MINDY4: variants seen among roughly 807,000 people sequenced by gnomAD.
The protein encoded by MINDY4 is MINDY lysine 48 deubiquitinase 4.
MINDY4 carries 68 observed loss-of-function variants against 87.0 expected under a neutral mutation model. The observed-to-expected ratio is 0.78, with a 90% CI of 0.64 to 0.96. The LOEUF is 0.96. Among genes scored for constraint, MINDY4 ranks in the 40% least tolerant of loss-of-function variants. MINDY4 has a pLI of 0.00. For missense variants in MINDY4, 919 were observed against 928.2 expected, an observed-to-expected ratio of 0.99 and a Z score of 0.13; for synonymous variants, 379 against 363.2, an observed-to-expected ratio of 1.04 and a Z score of -0.50.
rs778839691 is a variant in MINDY4, at chr7:30,771,458, G to A, written c.-36G>A. 1.9e-5 allele frequency: 30 copies of A among 1,589,022 alleles called. 1 individual carries two copies. In the Admixed American group the frequency reaches 5.3e-4, roughly 28 times the overall value. On this transcript the variant is annotated 5_prime_UTR_variant, in exon 1 of 18. Transcript: ENST00000265299. ...ACCCAGTTGCCTGGTGCTGCGGCCC[G>A]GCGTGGGCCTCGTGGGCAGAGCCAG...
intron 5 of MINDY4, among the ~76,000 whole-genome samples, chr7:30,809,958 A>G (rs1008690469): frequency 1.3e-5 from 2 of 151,974 alleles, no homozygotes; most frequent in African/African-American, 4.8e-5. Flanking sequence ...TGGGTGGATC[A>G]TGAGGTCAGA....
intron 13 of MINDY4, among the ~76,000 whole-genome samples, chr7:30,859,596 C>T (rs1789689177): frequency 6.6e-6 from 1 of 152,196 alleles, no homozygotes; most frequent in Non-Finnish European, 1.5e-5. Flanking sequence ...CCTGGAACTG[C>T]AGTGCATGCA....
At position 30,885,965 on chromosome 7, in the gene MINDY4, G is replaced by T. The variant is rs543100344; in HGVS notation, c.2225+2972G>T. Among the ~76,000 whole-genome samples, 167 of 152,302 alleles carry T rather than the reference G, an allele frequency of 1.1e-3. 1 individual carries two copies. Among genetic ancestry groups the T allele is most frequent in the Middle Eastern group, 6.8e-3 (2 of 294 alleles). On this transcript the variant is annotated intron_variant, in intron 17 of 17. Transcript: ENST00000265299. ...TAGAAAAGCTGAGTGGGTGAGTGGTGAGTGGGAACACTGCCCCCATACCCA... is the reference window on the plus strand; with the variant it reads ...TAGAAAAGCTGAGTGGGTGAGTGGTTAGTGGGAACACTGCCCCCATACCCA...
chr7:30,818,963 TCTC>T (rs1788243346), intron 5 of MINDY4, among the ~76,000 whole-genome samples: 1 of 152,216 alleles, frequency 6.6e-6, no homozygotes, highest in South Asian at 2.1e-4. Context: ...TATACTCTCT[TCTC>T]TTTATCAATC....
intron 6 of MINDY4, among the ~76,000 whole-genome samples, chr7:30,835,864 AG>A (rs1044927721): frequency 6.6e-6 from 1 of 152,234 alleles, no homozygotes; most frequent in African/African-American, 2.4e-5. Flanking sequence ...TGTAATGACA[AG>A]GGGGCCTTAG....
intron 14 of MINDY4, among the ~76,000 whole-genome samples, chr7:30,874,913 C>T (rs926311855): frequency 6.6e-6 from 1 of 152,190 alleles, no homozygotes; most frequent in African/African-American, 2.4e-5. Context: ...GAAGGGTACA[C>T]AGGAACTCTC....
intron 4 of MINDY4, among the ~76,000 whole-genome samples, chr7:30,790,822 A>T (rs1787300482): frequency 6.6e-6 from 1 of 152,180 alleles, no homozygotes; most frequent in South Asian, 2.1e-4. Flanking sequence ...GGGACAGAGA[A>T]GTTAAGCAGC....
At chr7:30,801,209 C>T (rs1242945145) in intron 5 of MINDY4, among the ~76,000 whole-genome samples, 1 of 152,192 alleles carries the variant, frequency 6.6e-6, no homozygotes, top group Non-Finnish European at 1.5e-5. Flanking sequence ...TGCTTCTGAG[C>T]ATCCCAGCTC....
intron 12 of MINDY4, among the ~76,000 whole-genome samples, chr7:30,856,534 G>A (rs755198841): frequency 6.6e-6 from 1 of 151,794 alleles, no homozygotes; most frequent in Admixed American, 6.6e-5. Flanking sequence ...GTTTACAGTG[G>A]GTTTCTGTGT....
At chr7:30,780,789 A>C (rs1450113492) in intron 2 of MINDY4, 1 of 152,258 alleles carries the variant, frequency 6.6e-6, no homozygotes, top group Non-Finnish European at 1.5e-5. Flanking sequence ...CATAAGGGAT[A>C]GTCAGGCAAT....
chr7:30,870,214 C>T (rs373437905), intron 13 of MINDY4, among the ~76,000 whole-genome samples: 10 of 152,292 alleles, frequency 6.6e-5, no homozygotes, highest in African/African-American at 2.4e-4. Flanking sequence ...CTCTCGAGCC[C>T]GCTGGGTGAA....
chr7:30,780,836 A>C (rs1428757112), intron 2 of MINDY4: 1 of 152,286 alleles, frequency 6.6e-6, no homozygotes, highest in Non-Finnish European at 1.5e-5. Context: ...GAGAAAAAGC[A>C]AGAAGGCTAC....
chr7:30,810,343 GAA>G (rs57035996), intron 5 of MINDY4, among the ~76,000 whole-genome samples: 51 of 131,834 alleles, frequency 3.9e-4, no homozygotes, highest in African/African-American at 9.3e-4. Context: ...TAAAACTATT[GAA>G]AAAAAAAAAA....
At chr7:30,786,101 A>G in intron 4 of MINDY4, 109 bp downstream of exon 4, 1 of 1,441,006 alleles carries the variant, frequency 6.9e-7, no homozygotes, top group Non-Finnish European at 9.4e-7. Flanking sequence ...GTCCGAGAAG[A>G]GGGTCTGTGT....
intron 6 of MINDY4, 63 bp downstream of exon 6, chr7:30,828,800 G>A: frequency 1.9e-6 from 3 of 1,563,044 alleles, no homozygotes; most frequent in East Asian, 2.2e-5. Flanking sequence ...CGTTGGCTCT[G>A]TCTGGGAGAT....
intron 5 of MINDY4, among the ~76,000 whole-genome samples, chr7:30,808,039 C>T (rs1787866644): frequency 6.6e-6 from 1 of 152,188 alleles, no homozygotes; most frequent in African/African-American, 2.4e-5. Context: ...AATGGACGGT[C>T]AAGGCAGCCC....
intron 5 of MINDY4, among the ~76,000 whole-genome samples, chr7:30,818,069 G>T (rs1005084340): frequency 2.0e-5 from 3 of 152,134 alleles, no homozygotes; most frequent in Non-Finnish European, 1.5e-5. Flanking sequence ...GCGTTAGGTA[G>T]GATGTTCTTT....
At chr7:30,856,248 G>A (rs1366891139) in intron 12 of MINDY4, among the ~76,000 whole-genome samples, 4 of 152,202 alleles carry the variant, frequency 2.6e-5, no homozygotes, top group South Asian at 2.1e-4. Flanking sequence ...GCCTGACCTC[G>A]CCTTTCAATG....
rs754998546 is a variant in MINDY4, at chr7:30,872,298, T to C, written c.1801T>C (p.Cys601Arg). 3.7e-6 allele frequency: 6 copies of C among 1,613,998 alleles called. No individual in the cohort carries two copies. The Admixed American group carries it at 6.7e-5, about 18-fold the overall frequency. ...TSHLIGAHGY[C>R]TQELVNLLLT... ...CCACCTGATTGGAGCACATGGCTAC[T>C]GTACACAGGTCAGGGGGCGCTGTGG... Residue 601 changes from cysteine to arginine, a missense_variant, in exon 14 of 18, where the codon TGT becomes CGT. Transcript: ENST00000265299.
Sources: allele counts gnomAD v4.1 joint callset (sites outside exome capture counted in the v4.1 genomes callset), GRCh38; gene constraint gnomAD v4.1.1; transcripts MANE v1.5; gene names NCBI Gene and HGNC (gene_info 2026-07-23, HGNC 2026-07-21).